TMEM132D: variants seen among roughly 807,000 people sequenced by gnomAD.
TMEM132D encodes mature OL transmembrane protein.
Under a neutral mutation model 62.3 loss-of-function variants are expected in TMEM132D, and 21 were observed. The ratio of observed to expected loss-of-function variants is 0.34; its 90% CI spans 0.24 to 0.49. The LOEUF is 0.49. Ranked by LOEUF, TMEM132D falls within the 20% of genes least tolerant of loss-of-function variation. The probability of loss-of-function intolerance (pLI) is 0.99; values close to 1 mark genes in which losing one functional copy is unlikely to be tolerated. For synonymous variants in TMEM132D, 621 were observed against 575.6 expected, an observed-to-expected ratio of 1.08 and a Z score of -1.13; for missense variants, 1,346 against 1,402.8, an observed-to-expected ratio of 0.96 and a Z score of 0.65.
intron 2 of TMEM132D, among the ~76,000 whole-genome samples, chr12:129,573,736 G>A (rs1199843942): frequency 6.6e-6 from 1 of 151,906 alleles, no homozygotes; most frequent in East Asian, 1.9e-4. Flanking sequence ...TGATGGCAAG[G>A]GCAGGCACTG....
At chr12:129,226,214 T>G (rs1207200376) in intron 4 of TMEM132D, among the ~76,000 whole-genome samples, 5 of 152,194 alleles carry the variant, frequency 3.3e-5, no homozygotes, top group Admixed American at 3.3e-4. Context: ...TAAGAAAGGG[T>G]GAATGAACTA....
intron 4 of TMEM132D, among the ~76,000 whole-genome samples, chr12:129,282,394 T>C (rs1462423222): frequency 1.3e-5 from 2 of 151,908 alleles, no homozygotes; most frequent in Admixed American, 1.3e-4. Context: ...GAAAGTGAGG[T>C]TGGGGACAGA....
chr12:129,775,764 G>C (rs1179521941), intron 1 of TMEM132D, among the ~76,000 whole-genome samples: 1 of 152,146 alleles, frequency 6.6e-6, no homozygotes, highest in Non-Finnish European at 1.5e-5. Flanking sequence ...TGTCCCCACA[G>C]ATCAGCACCT....
At chr12:129,258,861 A>G (rs1450573378) in intron 4 of TMEM132D, among the ~76,000 whole-genome samples, 2 of 152,240 alleles carry the variant, frequency 1.3e-5, no homozygotes, top group African/African-American at 4.8e-5. Flanking sequence ...AAATAAACAA[A>G]AAGAAAAGGT....
chr12:129,282,749 C>A (rs550735193), intron 4 of TMEM132D, among the ~76,000 whole-genome samples: 1 of 152,140 alleles, frequency 6.6e-6, no homozygotes, highest in Admixed American at 6.5e-5. Context: ...ACTGAGATGA[C>A]GGTTGTACCC....
At chr12:129,639,228 CA>C (rs1302556125) in intron 2 of TMEM132D, among the ~76,000 whole-genome samples, 4 of 151,104 alleles carry the variant, frequency 2.6e-5, no homozygotes, top group Non-Finnish European at 5.9e-5. Context: ...ACTAAAAATA[CA>C]AAAAATAGCT....
intron 1 of TMEM132D, among the ~76,000 whole-genome samples, chr12:129,823,853 T>C (rs1872594550): frequency 2.0e-5 from 3 of 152,216 alleles, no homozygotes; most frequent in Admixed American, 2.0e-4. Context: ...TGCCCAGATA[T>C]TTGTTAAAAC....
intron 4 of TMEM132D, among the ~76,000 whole-genome samples, chr12:129,270,645 T>G (rs999840597): frequency 6.6e-6 from 1 of 151,560 alleles, no homozygotes; most frequent in African/African-American, 2.4e-5. Context: ...AAGTTCCATA[T>G]TGTGTGTGTG....
Position 129,236,514 on chromosome 12 carries a change from C to CAAAAAAAAAAAAA in TMEM132D, c.1300-26864_1300-26852dup, listed in dbSNP as rs60745384. 6.3e-4 allele frequency among the ~76,000 whole-genome samples: 42 copies of CAAAAAAAAAAAAA among 66,688 alleles called. 1 individual carries two copies. The highest frequency in any genetic ancestry group is 1.1e-3 in the South Asian group (2 of 1,878). The allele number at this position is 66,688 out of a possible 152,430, so 43.7% of individuals were successfully genotyped here. On this transcript the variant is annotated intron_variant, in intron 4 of 8. Transcript: ENST00000422113. ...TGGGCAATGGAGTGAGACTCCATCT[C>CAAAAAAAAAAAAA]AAAAAAAAAAAAAAAAAGAAAAAAA... is the stretch of plus-strand genomic sequence containing the variant.
intron 3 of TMEM132D, among the ~76,000 whole-genome samples, chr12:129,502,775 C>T (rs929636753): frequency 3.3e-5 from 5 of 152,178 alleles, no homozygotes; most frequent in African/African-American, 1.2e-4. Context: ...ATCACTCACT[C>T]GTCTACAGAC....
At chr12:129,342,857 A>G (rs1170717545) in intron 3 of TMEM132D, among the ~76,000 whole-genome samples, 2 of 152,240 alleles carry the variant, frequency 1.3e-5, no homozygotes, top group Admixed American at 6.5e-5. Context: ...AGAGAAATGC[A>G]AATCAAAACC....
intron 2 of TMEM132D, among the ~76,000 whole-genome samples, chr12:129,553,300 C>T (rs1876953238): frequency 6.6e-6 from 1 of 152,154 alleles, no homozygotes; most frequent in African/African-American, 2.4e-5. Flanking sequence ...AGACTTTGCA[C>T]CTGTGCTGCT....
chr12:129,896,882 T>A (rs1875156918), intron 1 of TMEM132D, among the ~76,000 whole-genome samples: 1 of 152,226 alleles, frequency 6.6e-6, no homozygotes, highest in Admixed American at 6.5e-5. Flanking sequence ...GTTTTTTACC[T>A]TTATAACTGT....
At chr12:129,859,238 G>A (rs1207161499) in intron 1 of TMEM132D, among the ~76,000 whole-genome samples, 3 of 152,200 alleles carry the variant, frequency 2.0e-5, no homozygotes, top group Non-Finnish European at 2.9e-5. Flanking sequence ...GACTGTGGTC[G>A]AGAACCATAG....
intron 3 of TMEM132D, among the ~76,000 whole-genome samples, chr12:129,499,040 A>G (rs1332765347): frequency 6.6e-6 from 1 of 152,208 alleles, no homozygotes; most frequent in Non-Finnish European, 1.5e-5. Context: ...TCCTTCAGAA[A>G]TATATATGGA....
In TMEM132D at chr12:129,074,948, C is replaced by A. The variant is rs747816717; in HGVS notation, c.2227G>T (p.Val743Phe). 1 of 1,614,070 alleles carries A rather than the reference C, an allele frequency of 6.2e-7. No individual in the cohort carries two copies. Among genetic ancestry groups the A allele is most frequent in the South Asian group, 1.1e-5 (1 of 91,062 alleles). Residue 743 changes from valine (V) to phenylalanine (F), a missense_variant, in exon 9 of 9, where the codon GTC (valine) becomes TTC (phenylalanine). By Grantham distance (50) the Val-to-Phe change is conservative (BLOSUM62 -1). Coordinates refer to ENST00000422113, the MANE Select transcript of TMEM132D (RefSeq NM_133448.3). ...LMATSLDEKV[V>F]SIHQDPKFKW... Reference sequence around the variant, plus strand: ...AATTTGGGGTCTTGGTGGATGGAGACTACCTTCTCATCCAAAGATGTGGCC... The same window carrying A: ...AATTTGGGGTCTTGGTGGATGGAGAATACCTTCTCATCCAAAGATGTGGCC...
At chr12:129,129,355 T>C (rs1328946764) in intron 5 of TMEM132D, among the ~76,000 whole-genome samples, 1 of 152,234 alleles carries the variant, frequency 6.6e-6, no homozygotes, top group Non-Finnish European at 1.5e-5. Context: ...TAGTATTCCA[T>C]GGTATATGTA....
intron 3 of TMEM132D, among the ~76,000 whole-genome samples, chr12:129,384,383 T>C (rs777646622): frequency 3.9e-5 from 6 of 152,010 alleles, no homozygotes; most frequent in Non-Finnish European, 8.8e-5. Flanking sequence ...AATAAATACA[T>C]AAACAACATT....
chr12:129,513,848 A>AT (rs563785171), intron 3 of TMEM132D, among the ~76,000 whole-genome samples: 127 of 112,776 alleles, frequency 1.1e-3, no homozygotes, highest in Middle Eastern at 5.3e-3. Flanking sequence ...TTATTTATTT[A>AT]TTTTTTTGAG....
Sources: gnomAD v4.1 joint callset for allele counts (sites outside exome capture counted in the v4.1 genomes callset) on GRCh38, gnomAD v4.1.1 for gene constraint, MANE v1.5 for transcripts, NCBI Gene and HGNC (gene_info 2026-07-23, HGNC 2026-07-21) for gene names.